The following FBXO47 variants were observed in gnomAD, a reference collection of about 807,000 sequenced individuals.
FBXO47 encodes F-box protein 47.
A neutral mutation model predicts 53.9 loss-of-function variants in FBXO47; 34 were observed. The observed-to-expected ratio is 0.63, with a 90% CI of 0.48 to 0.84. The LOEUF is 0.84. Ranked by LOEUF, FBXO47 falls within the 40% of genes least tolerant of loss-of-function variation. FBXO47 has a pLI of 0.00. For synonymous variants in FBXO47, 165 were observed against 181.6 expected (o/e 0.91, Z 0.73); for missense variants, 485 against 541.3 (o/e 0.90, Z 1.03).
chr17:38,965,411 A>G (rs375322021), intron 1 of FBXO47, among the ~76,000 whole-genome samples: 1 of 152,206 alleles, frequency 6.6e-6, no homozygotes, highest in Non-Finnish European at 1.5e-5. Flanking sequence ...GAAATGTTAC[A>G]TATCAACTTA....
intron 7 of FBXO47, among the ~76,000 whole-genome samples, chr17:38,944,191 A>ATGTGTGTGTGTGTGTG (rs71141737): frequency 7.5e-5 from 10 of 133,698 alleles, no homozygotes; most frequent in African/African-American, 2.3e-4. Flanking sequence ...CAAAAAAAAC[A>ATGTGTGTGTGTGTGTG]TGTGTGTGTG....
chr17:38,943,525 T>C, intron 8 of FBXO47, 65 bp downstream of exon 8: 4 of 1,059,218 alleles, frequency 3.8e-6, no homozygotes, highest in Non-Finnish European at 5.3e-6. Flanking sequence ...ATTATCCTTA[T>C]AATTTTATAA....
chr17:38,951,510 A>G, intron 6 of FBXO47, 71 bp downstream of exon 6: 1 of 1,228,282 alleles, frequency 8.1e-7, no homozygotes, highest in Non-Finnish European at 1.1e-6. Context: ...ACTTTTAATT[A>G]CATTTTTAAA....
rs1567717679 is a variant in FBXO47, at chr17:38,947,063, T to TATATGTAA, written c.617-1928_617-1927insTTACATAT. 1.0e-3 allele frequency among the ~76,000 whole-genome samples: 138 copies of TATATGTAA among 133,368 alleles called. 3 individuals are homozygous for TATATGTAA. The East Asian group carries it at 0.023, about 22-fold the overall frequency. The allele number at this position is 133,368 out of a possible 152,430, so 87.5% of individuals were successfully genotyped here. The stretch of plus-strand genomic sequence containing the variant: ...GTAAATATATAAAAACATATATAAA[T>TATATGTAA]ATATATAAACATATATAAACATATA... On this transcript the variant is annotated intron_variant, in intron 6 of 10. Transcript: ENST00000378079.
At chr17:38,937,691 A>T (rs1414634831) in intron 10 of FBXO47, among the ~76,000 whole-genome samples, 1 of 151,758 alleles carries the variant, frequency 6.6e-6, no homozygotes, top group African/African-American at 2.4e-5. Flanking sequence ...TTTTTGAGAC[A>T]GCGTCTCCCT....
rs566208612 is a variant in FBXO47 at position 38,945,137 on chromosome 17, C to T, written c.617-1G>A. 1 of 1,602,680 alleles carries T rather than the reference C, an allele frequency of 6.2e-7. No individual in the cohort carries two copies. Among genetic ancestry groups the T allele is most frequent in the Non-Finnish European group, 8.5e-7 (1 of 1,170,136 alleles). ...CTTAACTCCAGTTTTTGGGCACTTC[C>T]TATGAAGACAAAAGAATTGTAAATC... On this transcript the variant is annotated splice_acceptor_variant, in intron 6 of 10. Coordinates refer to ENST00000378079, the MANE Select transcript of FBXO47 (RefSeq NM_001008777.3). LOFTEE classifies it high-confidence loss of function.
chr17:38,946,883 AAT>A (rs1168603237), intron 6 of FBXO47, among the ~76,000 whole-genome samples: 2,396 of 115,302 alleles, frequency 0.021, 43 homozygotes, highest in African/African-American at 0.038. Context: ...CATATATATA[AAT>A]ATATATATAA....
intron 9 of FBXO47, among the ~76,000 whole-genome samples, chr17:38,941,863 G>A (rs903984519): frequency 1.3e-5 from 2 of 151,220 alleles, no homozygotes; most frequent in African/African-American, 2.4e-5. Flanking sequence ...TTGTAGAGAC[G>A]GGTTTCGCCA....
intron 1 of FBXO47, among the ~76,000 whole-genome samples, chr17:38,964,158 TTC>T (rs1905970294): frequency 6.6e-6 from 1 of 152,058 alleles, no homozygotes; most frequent in Admixed American, 6.6e-5. Flanking sequence ...CAATTCCACC[TTC>T]TGTTAATAAT....
In FBXO47 at chr17:38,944,867, T is replaced by G. The variant is rs1325360593; in HGVS notation, c.793+93A>C. Reference sequence around the variant, plus strand: ...GCATGCATGTGTGTGTGTGTGTGTGTGTGTATAATATATGCTTCCTAAATA... The same window carrying G: ...GCATGCATGTGTGTGTGTGTGTGTGGGTGTATAATATATGCTTCCTAAATA... On this transcript the variant is annotated intron_variant, in intron 7 of 10. Coordinates refer to ENST00000378079, the MANE Select transcript of FBXO47 (RefSeq NM_001008777.3). 7.7e-6 allele frequency: 7 copies of G among 903,450 alleles called. No homozygotes were observed. In the South Asian group the frequency reaches 1.1e-4, roughly 14 times the overall value. 56.0% of individuals were successfully genotyped at this position (903,450 alleles called of 1,614,324 possible). A position where few individuals can be genotyped will look rare whatever the true frequency, so the allele number is the denominator to read the frequency against.
In FBXO47 at chr17:38,945,196, T is replaced by C. The variant is rs1904699937; in HGVS notation, c.617-60A>G. On this transcript the variant is annotated intron_variant, in intron 6 of 10. Transcript: ENST00000378079. ...TAGAAAGGCTGCTGTGCATATTGAA[T>C]AGTGATCAAAGCAACTTATTAATCA... is the stretch of plus-strand genomic sequence containing the variant. The C allele has an allele frequency of 2.4e-6, 3 of 1,273,056 alleles. No individual in the cohort carries two copies. In the Admixed American group the frequency reaches 5.5e-5, roughly 23 times the overall value. 78.9% of individuals were successfully genotyped at this position (1,273,056 alleles called of 1,614,324 possible).
At chr17:38,951,514 T>C (rs1905281122) in intron 6 of FBXO47, 67 bp downstream of exon 6, 1 of 1,269,052 alleles carries the variant, frequency 7.9e-7, no homozygotes, top group African/African-American at 1.5e-5. Flanking sequence ...TTAATTACAT[T>C]TTTAAAACTC....
chr17:38,946,835 TATATATAAACATATAAAAATATATATAA>T (rs1904924008), intron 6 of FBXO47, among the ~76,000 whole-genome samples: 1 of 107,394 alleles, frequency 9.3e-6, no homozygotes, highest in South Asian at 2.8e-4. Flanking sequence ...AATATATAAA[TATATATAAACATATAAAAATATATATAA>T]ATATATAAAC....
At chr17:38,957,881 T>C (rs1282092384) in intron 3 of FBXO47, among the ~76,000 whole-genome samples, 1 of 151,970 alleles carries the variant, frequency 6.6e-6, no homozygotes, top group African/African-American at 2.4e-5. Flanking sequence ...GTTGCCAGGA[T>C]GAAGTGCAGT....
chr17:38,954,764 A>C, intron 5 of FBXO47, 92 bp downstream of exon 5: 1 of 665,452 alleles, frequency 1.5e-6, no homozygotes, highest in Non-Finnish European at 2.5e-6. Flanking sequence ...GATTATTATA[A>C]CTTTATTAAC....
intron 1 of FBXO47, among the ~76,000 whole-genome samples, chr17:38,966,036 A>G (rs73301162): frequency 0.026 from 3,949 of 152,222 alleles, 170 homozygotes; most frequent in African/African-American, 0.09. Context: ...AGGGATCACT[A>G]TATATAATAC....
chr17:38,944,191 ATGTGTGTG>A (rs71141737), intron 7 of FBXO47, among the ~76,000 whole-genome samples: 16,256 of 133,524 alleles, frequency 0.12, 1,116 homozygotes, highest in South Asian at 0.2. Context: ...CAAAAAAAAC[ATGTGTGTG>A]TGTGTGTGTG....
intron 6 of FBXO47, among the ~76,000 whole-genome samples, chr17:38,945,974 A>C (rs1344596719): frequency 7.3e-6 from 1 of 137,478 alleles, no homozygotes; most frequent in Admixed American, 8.2e-5. Flanking sequence ...TAAATATATA[A>C]ATATATATAC....
At position 38,961,877 on chromosome 17, in the gene FBXO47, C is replaced by G; in HGVS notation, c.352G>C (p.Gly118Arg). Reference sequence around the variant, plus strand: ...TTGCAATTCTCATTACATAAGTTACCTAGAGATCTGTAGTGCTCCAGTATA... The same window carrying G: ...TTGCAATTCTCATTACATAAGTTACGTAGAGATCTGTAGTGCTCCAGTATA... ...SAILEHYRSL[G>R]LLFKRCTLLL... Residue 118 changes from glycine (G) to arginine (R), a missense_variant and splice_region_variant, in exon 3 of 11, where the codon GGT becomes CGT. Gly to Arg is a moderately radical substitution (Grantham distance 125). Coordinates refer to ENST00000378079, the MANE Select transcript of FBXO47 (RefSeq NM_001008777.3). 6.2e-7 allele frequency: 1 copy of G among 1,609,122 alleles called. No individual in the cohort carries two copies. The highest frequency in any genetic ancestry group is 2.2e-5 in the East Asian group (1 of 44,818).
Sources: allele counts gnomAD v4.1 joint callset (sites outside exome capture counted in the v4.1 genomes callset), GRCh38; gene constraint gnomAD v4.1.1; transcripts MANE v1.5; gene names NCBI Gene and HGNC (gene_info 2026-07-23, HGNC 2026-07-21).